Variants in TSPAN12 observed in about 807,000 individuals in gnomAD.
TSPAN12 encodes tetraspanin-12.
In TSPAN12, 19 loss-of-function variants were observed where a neutral mutation model predicts 39.2. The observed-to-expected ratio is 0.49, with a 90% CI of 0.34 to 0.71. The LOEUF (loss-of-function observed/expected upper bound fraction) is 0.71, where lower values mean the gene tolerates loss of function less well. Ranked by LOEUF, TSPAN12 falls within the 30% of genes least tolerant of loss-of-function variation. The pLI is 0.01. For synonymous variants in TSPAN12, 119 were observed against 124.8 expected, an observed-to-expected ratio of 0.95 and a Z score of 0.31; for missense variants, 314 against 359.9, an observed-to-expected ratio of 0.87 and a Z score of 1.03.
chr7:120,847,233 CA>C (rs76785160), intron 2 of TSPAN12, among the ~76,000 whole-genome samples: 29,750 of 107,468 alleles, frequency 0.28, 3,136 homozygotes, highest in African/African-American at 0.35. Flanking sequence ...AGCTATATGA[CA>C]AAAAAAAAAA....
chr7:120,814,298 T>C (rs1401346557), intron 5 of TSPAN12: 1 of 455,960 alleles, frequency 2.2e-6, no homozygotes, highest in East Asian at 6.9e-5. Context: ...TTACTACACT[T>C]TAAAATGTTG....
intron 4 of TSPAN12, among the ~76,000 whole-genome samples, chr7:120,824,581 TTTTG>T (rs369259792): frequency 7.9e-4 from 121 of 152,334 alleles, no homozygotes; most frequent in African/African-American, 2.8e-3. Flanking sequence ...ATAGTCTGAA[TTTTG>T]TTTGTTTGTA....
intron 4 of TSPAN12, among the ~76,000 whole-genome samples, chr7:120,825,470 G>A (rs1056344991): frequency 6.6e-6 from 1 of 152,040 alleles, no homozygotes; most frequent in Non-Finnish European, 1.5e-5. Context: ...AAAACATGGT[G>A]CCTTTTGACT....
chr7:120,851,453 A>T (rs1175093779), intron 2 of TSPAN12, among the ~76,000 whole-genome samples: 1 of 152,220 alleles, frequency 6.6e-6, no homozygotes, highest in Non-Finnish European at 1.5e-5. Context: ...TAATGGTGAG[A>T]TATGGGAGTT....
At chr7:120,789,348 C>T (rs896649025) in intron 7 of TSPAN12, among the ~76,000 whole-genome samples, 11 of 152,150 alleles carry the variant, frequency 7.2e-5, no homozygotes, top group Admixed American at 6.5e-4. Context: ...AGTGAAACTT[C>T]AAACACATAA....
intron 2 of TSPAN12, among the ~76,000 whole-genome samples, chr7:120,851,496 A>T (rs1264736550): frequency 6.6e-6 from 1 of 152,168 alleles, no homozygotes; most frequent in Non-Finnish European, 1.5e-5. Context: ...AGAAACAAAC[A>T]CATATTTGAT....
chr7:120,808,709 G>A (rs1053048512), intron 6 of TSPAN12, among the ~76,000 whole-genome samples: 4 of 152,092 alleles, frequency 2.6e-5, no homozygotes, highest in African/African-American at 7.2e-5. Context: ...GTGAGAGTCC[G>A]CTAAGTTGCG....
chr7:120,854,523 T>C (rs563197217), intron 2 of TSPAN12, among the ~76,000 whole-genome samples: 5 of 152,238 alleles, frequency 3.3e-5, no homozygotes, highest in Non-Finnish European at 5.9e-5. Context: ...ATGATTCCTA[T>C]TTTACAGGCT....
chr7:120,794,020 G>A (rs1280770132), intron 7 of TSPAN12, among the ~76,000 whole-genome samples: 1 of 152,126 alleles, frequency 6.6e-6, no homozygotes, highest in East Asian at 1.9e-4. Context: ...AAGCTGAGAG[G>A]CAAACAGGAC....
chr7:120,850,451 C>A (rs939330049), intron 2 of TSPAN12, among the ~76,000 whole-genome samples: 1 of 152,196 alleles, frequency 6.6e-6, no homozygotes, highest in Non-Finnish European at 1.5e-5. Context: ...ATGATAGTTT[C>A]TGTGCAGTCT....
rs2116348557 is a variant in TSPAN12 at position 120,806,668 on chromosome 7, A to G, written c.493T>C (p.Phe165Leu). Reference sequence around the variant, plus strand: ...TCTGTCATTTCCAACCAGTCAGTGAAATATACTACTCCACAGCACTTAAAC... The same window carrying G: ...TCTGTCATTTCCAACCAGTCAGTGAGATATACTACTCCACAGCACTTAAAC... ...REFKCCGVVY[F>L]TDWLEMTEMD... The change falls in exon 7 of 8, where the codon TTC becomes CTC. Residue 165 changes from phenylalanine to leucine, a missense_variant. Transcript: ENST00000222747. The G allele has an allele frequency of 6.2e-7, 1 of 1,613,530 alleles. No individual in the cohort carries two copies. Among genetic ancestry groups the G allele is most frequent in the Non-Finnish European group, 8.5e-7 (1 of 1,179,550 alleles).
At chr7:120,809,534 T>A (rs1793937922) in intron 6 of TSPAN12, among the ~76,000 whole-genome samples, 1 of 152,176 alleles carries the variant, frequency 6.6e-6, no homozygotes, top group Non-Finnish European at 1.5e-5. Flanking sequence ...TCTGCCCATA[T>A]CCAGGACAAA....
At chr7:120,837,810 T>C (rs1241300935) in intron 4 of TSPAN12, among the ~76,000 whole-genome samples, 2 of 152,226 alleles carry the variant, frequency 1.3e-5, no homozygotes, top group East Asian at 3.8e-4. Context: ...AGCTGGCTCC[T>C]TGAGCCAATT....
In TSPAN12 at chr7:120,788,417, G is replaced by A; in HGVS notation, c.*175C>T. The A allele has an allele frequency of 1.4e-6, 1 of 727,292 alleles. No individual in the cohort carries two copies. The highest frequency in any genetic ancestry group is 2.2e-6 in the Non-Finnish European group (1 of 445,350). 45.1% of individuals were successfully genotyped at this position (727,292 alleles called of 1,614,324 possible). On this transcript the variant is annotated 3_prime_UTR_variant, in exon 8 of 8. Transcript: ENST00000222747. The stretch of plus-strand genomic sequence containing the variant: ...GGGCATCAATTATTGTCCAGGTGGT[G>A]ACTTATGACATGAAACTTTTCCATC...
At chr7:120,839,637 A>G (rs1794541031) in intron 3 of TSPAN12, among the ~76,000 whole-genome samples, 1 of 152,124 alleles carries the variant, frequency 6.6e-6, no homozygotes, top group Admixed American at 6.5e-5. Context: ...TTGAAATTTG[A>G]GAAAAAAAAA....
At chr7:120,832,335 A>C (rs1317533444) in intron 4 of TSPAN12, among the ~76,000 whole-genome samples, 1 of 152,110 alleles carries the variant, frequency 6.6e-6, no homozygotes, top group Admixed American at 6.6e-5. Flanking sequence ...AATAACATCT[A>C]ACTTTTTGAT....
chr7:120,791,221 C>T (rs575172336), intron 7 of TSPAN12, among the ~76,000 whole-genome samples: 3 of 151,822 alleles, frequency 2.0e-5, no homozygotes, highest in African/African-American at 4.8e-5. Context: ...CCCAGCTACT[C>T]GGGAGGCTGA....
At chr7:120,832,551 T>C (rs771808518) in intron 4 of TSPAN12, among the ~76,000 whole-genome samples, 3 of 152,114 alleles carry the variant, frequency 2.0e-5, no homozygotes, top group Non-Finnish European at 2.9e-5. Flanking sequence ...CCAGTTCAAA[T>C]AAAGACTCCC....
At chr7:120,802,035 T>G (rs944200942) in intron 7 of TSPAN12, among the ~76,000 whole-genome samples, 1 of 152,176 alleles carries the variant, frequency 6.6e-6, no homozygotes, top group Non-Finnish European at 1.5e-5. Flanking sequence ...CTGCTGTCTT[T>G]TATGTCTTTT....
Sources: allele counts gnomAD v4.1 joint callset (sites outside exome capture counted in the v4.1 genomes callset), GRCh38; gene constraint gnomAD v4.1.1; transcripts MANE v1.5; gene names NCBI Gene and HGNC (gene_info 2026-07-23, HGNC 2026-07-21).